Variants in ZNF385D observed in about 807,000 individuals in gnomAD.
ZNF385D encodes zinc finger protein 385D, also known as zinc finger protein 659.
In ZNF385D, 15 loss-of-function variants were observed where a neutral mutation model predicts 35.8. That is an observed-to-expected ratio of 0.42 (90% CI 0.28 to 0.64). The LOEUF (loss-of-function observed/expected upper bound fraction) is 0.64, where lower values mean the gene tolerates loss of function less well. Ranked by LOEUF, ZNF385D falls within the 30% of genes least tolerant of loss-of-function variation. ZNF385D has a pLI of 0.23. For synonymous variants in ZNF385D, 212 were observed against 186.8 expected (o/e 1.13, Z -1.10); for missense variants, 474 against 494.6 (o/e 0.96, Z 0.39).
At chr3:22,264,549 C>T (rs1700800184) in intron 2 of ZNF385D, among the ~76,000 whole-genome samples, 1 of 151,998 alleles carries the variant, frequency 6.6e-6, no homozygotes, top group South Asian at 2.1e-4. Context: ...CTGTGAGACT[C>T]TTCTTTCCAC....
intron 3 of ZNF385D, among the ~76,000 whole-genome samples, chr3:21,765,518 G>A (rs1229139912): frequency 2.0e-5 from 3 of 152,026 alleles, no homozygotes; most frequent in Non-Finnish European, 4.4e-5. Flanking sequence ...AATCATGTTT[G>A]TTCTCAAAAA....
chr3:21,962,521 G>C (rs1303403658), intron 3 of ZNF385D, among the ~76,000 whole-genome samples: 1 of 152,180 alleles, frequency 6.6e-6, no homozygotes, highest in African/African-American at 2.4e-5. Context: ...GGTTTGGTCT[G>C]CATTTTAAAA....
intron 1 of ZNF385D, among the ~76,000 whole-genome samples, chr3:21,720,945 A>G (rs895028980): frequency 1.4e-4 from 21 of 152,180 alleles, no homozygotes; most frequent in African/African-American, 4.8e-4. Flanking sequence ...TTAACTTGAT[A>G]ATGGAGCAGG....
intron 2 of ZNF385D, among the ~76,000 whole-genome samples, chr3:22,215,577 C>G (rs1052290992): frequency 1.3e-5 from 2 of 151,986 alleles, no homozygotes; most frequent in Admixed American, 1.3e-4. Context: ...TGGTTGTCTG[C>G]TCTCAAACCC....
chr3:21,439,297 CAAAAAAAAAAAAAA>C (rs143786633), intron 4 of ZNF385D, among the ~76,000 whole-genome samples: 1 of 89,326 alleles, frequency 1.1e-5, no homozygotes, highest in Non-Finnish European at 2.4e-5. Flanking sequence ...GATTTTGAGG[CAAAAAAAAAAAAAA>C]AAAAAAAAGT....
chr3:22,065,344 A>G (rs1409904631), intron 3 of ZNF385D, among the ~76,000 whole-genome samples: 1 of 152,186 alleles, frequency 6.6e-6, no homozygotes, highest in African/African-American at 2.4e-5. Context: ...AAAGCTGCAA[A>G]AATAGTCCAA....
intron 3 of ZNF385D, among the ~76,000 whole-genome samples, chr3:21,941,490 C>CTTTTTT (rs531693623): frequency 4.1e-4 from 26 of 63,616 alleles, no homozygotes; most frequent in Non-Finnish European, 4.6e-4. Flanking sequence ...TTCCATTACT[C>CTTTTTT]TTTTTTTTTT....
intron 2 of ZNF385D, among the ~76,000 whole-genome samples, chr3:21,571,114 A>G (rs760736595): frequency 2.6e-5 from 4 of 152,186 alleles, no homozygotes; most frequent in Non-Finnish European, 5.9e-5. Context: ...CCATCCCAAT[A>G]AAGAGATGGA....
intron 2 of ZNF385D, among the ~76,000 whole-genome samples, chr3:22,274,562 G>T (rs1241195704): frequency 6.6e-6 from 1 of 151,892 alleles, no homozygotes; most frequent in African/African-American, 2.4e-5. Flanking sequence ...CACCAAGGTT[G>T]CCCAAGAGTC....
chr3:22,161,898 A>G (rs1705979177), intron 3 of ZNF385D, among the ~76,000 whole-genome samples: 1 of 152,186 alleles, frequency 6.6e-6, no homozygotes, highest in Non-Finnish European at 1.5e-5. Context: ...GAGATTAATG[A>G]GTTGTCAATA....
chr3:21,991,796 G>C (rs1462508675), intron 3 of ZNF385D, among the ~76,000 whole-genome samples: 1 of 152,174 alleles, frequency 6.6e-6, no homozygotes, highest in African/African-American at 2.4e-5. Flanking sequence ...CTTTGGGCAA[G>C]ATTTATTGAG....
chr3:21,635,726 C>T (rs149088424), intron 2 of ZNF385D, among the ~76,000 whole-genome samples: 4 of 152,010 alleles, frequency 2.6e-5, no homozygotes, highest in Admixed American at 2.0e-4. Flanking sequence ...TCCTTTGTCC[C>T]GAGTCCCCAA....
At chr3:22,099,866 T>A (rs114010189) in intron 3 of ZNF385D, among the ~76,000 whole-genome samples, 4 of 151,998 alleles carry the variant, frequency 2.6e-5, no homozygotes, top group African/African-American at 9.7e-5. Flanking sequence ...GGTTGTAGAA[T>A]GTATAGAATA....
At chr3:22,367,552 A>C (rs1696711036) in intron 2 of ZNF385D, among the ~76,000 whole-genome samples, 2 of 152,060 alleles carry the variant, frequency 1.3e-5, no homozygotes, top group South Asian at 4.1e-4. Flanking sequence ...TGAGACACCT[A>C]ACTTCTGGAA....
chr3:22,221,053 T>C (rs1698222002), intron 2 of ZNF385D, among the ~76,000 whole-genome samples: 2 of 152,092 alleles, frequency 1.3e-5, no homozygotes, highest in South Asian at 2.1e-4. Context: ...ATGACAGCAA[T>C]AGCATATAAT....
rs55872870 is a variant in ZNF385D at position 21,681,298 on chromosome 3, T to TAAAAAA, written c.23-16276_23-16271dup. On this transcript the variant is annotated intron_variant, in intron 1 of 7. Coordinates refer to ENST00000281523, the MANE Select transcript of ZNF385D (RefSeq NM_024697.3). ...AGCCTATGTGAATATATTCCATCAG[T>TAAAAAA]AAAAAAAAAAAAAAAAAAAAAAAAA... 9.8e-3 allele frequency among the ~76,000 whole-genome samples: 632 copies of TAAAAAA among 64,464 alleles called. 126 individuals carry two copies. The highest frequency in any genetic ancestry group is 0.035 in the South Asian group (41 of 1,180). 42.3% of individuals were successfully genotyped at this position (64,464 alleles called of 152,430 possible). A position where few individuals can be genotyped will look rare whatever the true frequency, so the allele number is the denominator to read the frequency against.
intron 2 of ZNF385D, among the ~76,000 whole-genome samples, chr3:22,200,342 G>A (rs116215246): frequency 0.02 from 3,055 of 152,088 alleles, 59 homozygotes; most frequent in South Asian, 0.11. Flanking sequence ...CTGGGTGTCC[G>A]GGGAGACATC....
At chr3:22,152,333 C>T (rs1192404385) in intron 3 of ZNF385D, among the ~76,000 whole-genome samples, 1 of 152,162 alleles carries the variant, frequency 6.6e-6, no homozygotes, top group African/African-American at 2.4e-5. Context: ...CCTCATACCA[C>T]TTAGGAAAAT....
intron 1 of ZNF385D, among the ~76,000 whole-genome samples, chr3:21,677,914 G>A (rs2066779740): frequency 6.6e-6 from 1 of 151,964 alleles, no homozygotes; most frequent in South Asian, 2.1e-4. Flanking sequence ...CTCGTTCTTT[G>A]TAAAAATCAT....
Sources: gnomAD v4.1 joint callset for allele counts (sites outside exome capture counted in the v4.1 genomes callset) on GRCh38, gnomAD v4.1.1 for gene constraint, MANE v1.5 for transcripts, NCBI Gene and HGNC (gene_info 2026-07-23, HGNC 2026-07-21) for gene names.